APOBEC3D: variants seen among roughly 807,000 people sequenced by gnomAD.
APOBEC3D encodes apolipoprotein B mRNA editing enzyme catalytic subunit 3D.
Under a neutral mutation model 45.6 loss-of-function variants are expected in APOBEC3D, and 37 were observed. The observed-to-expected ratio is 0.81, with a 90% CI of 0.62 to 1.07. The LOEUF is 1.07. APOBEC3D is among the 50% of genes least tolerant of loss of function. The pLI is 0.00. For synonymous variants in APOBEC3D, 175 were observed against 180.7 expected (o/e 0.97, Z 0.25); for missense variants, 496 against 495.3 (o/e 1.00, Z -0.01).
rs1322667638 is a variant in APOBEC3D at position 39,032,435 on chromosome 22, T to C, written c.*119T>C. On this transcript the variant is annotated 3_prime_UTR_variant, in exon 7 of 7. Transcript: ENST00000216099. ...TGGTCATCCTGAGCCCCTCCTGGCC[T>C]CAGGGCCATTCCATAGTGCCCCCCT... The C allele has an allele frequency of 4.0e-6, 6 of 1,517,868 alleles. No homozygotes were observed. The highest frequency in any genetic ancestry group is 5.3e-6 in the Non-Finnish European group (6 of 1,140,236). The allele number at this position is 1,517,868 out of a possible 1,614,324, so 94.0% of individuals were successfully genotyped here.
intron 4 of APOBEC3D, among the ~76,000 whole-genome samples, chr22:39,026,118 C>A (rs1391996580): frequency 2.6e-5 from 4 of 152,208 alleles, no homozygotes; most frequent in Admixed American, 6.5e-5. Flanking sequence ...CAGGCTTCCG[C>A]GGCCATAGAA....
Position 39,032,364 on chromosome 22 carries a change from T to A in APOBEC3D, c.*48T>A, listed in dbSNP as rs1256828867. ...TCTGTCTCTTCTAGCCTCCTGCTCA[T>A]GCTGCACGGGCCTCCCCTCCATCCT... On this transcript the variant is annotated 3_prime_UTR_variant, in exon 7 of 7. Coordinates refer to ENST00000216099, the MANE Select transcript of APOBEC3D (RefSeq NM_152426.4). 6.2e-7 allele frequency: 1 copy of A among 1,605,916 alleles called. No individual in the cohort carries two copies. Among genetic ancestry groups the A allele is most frequent in the East Asian group, 2.2e-5 (1 of 44,854 alleles).
chr22:39,028,674 A>G (rs755537539), intron 4 of APOBEC3D, among the ~76,000 whole-genome samples: 15 of 152,210 alleles, frequency 9.9e-5, no homozygotes, highest in Non-Finnish European at 2.2e-4. Flanking sequence ...GGTGGCTCAC[A>G]CCGGTAATCC....
At position 39,028,006 on chromosome 22, in the gene APOBEC3D, C is replaced by T. The variant is rs144997469; in HGVS notation, c.606-1357C>T. On this transcript the variant is annotated intron_variant, in intron 4 of 6. Coordinates refer to ENST00000216099, the MANE Select transcript of APOBEC3D (RefSeq NM_152426.4). ...CCAAAGGATGATTGGAGCAATCAGGCATTTTATTCTCAGCACTTTGGTGGA... is the reference window on the plus strand; with the variant it reads ...CCAAAGGATGATTGGAGCAATCAGGTATTTTATTCTCAGCACTTTGGTGGA... Among the ~76,000 whole-genome samples, 57 of 152,312 alleles carry T rather than the reference C, an allele frequency of 3.7e-4. No individual in the cohort carries two copies. The East Asian group carries it at 0.01, about 28-fold the overall frequency.
At chr22:39,023,729 G>A (rs1261734991) in intron 2 of APOBEC3D, among the ~76,000 whole-genome samples, 2 of 152,110 alleles carry the variant, frequency 1.3e-5, no homozygotes, top group Non-Finnish European at 1.5e-5. Flanking sequence ...GAATACAGGT[G>A]TGAGCCACTG....
At chr22:39,022,265 C>T (rs1569053934) in intron 1 of APOBEC3D, among the ~76,000 whole-genome samples, 1 of 152,244 alleles carries the variant, frequency 6.6e-6, no homozygotes, top group Non-Finnish European at 1.5e-5. Context: ...CTGTCCCCAG[C>T]TCTGTGGCCT....
At chr22:39,027,882 C>T (rs1925834671) in intron 4 of APOBEC3D, among the ~76,000 whole-genome samples, 2 of 152,224 alleles carry the variant, frequency 1.3e-5, no homozygotes, top group African/African-American at 2.4e-5. Context: ...TGAGATTCTC[C>T]CCTGAGAGTC....
intron 3 of APOBEC3D, 45 bp downstream of exon 3, chr22:39,025,394 C>T (rs772290561): frequency 4.3e-6 from 7 of 1,612,232 alleles, no homozygotes; most frequent in Non-Finnish European, 5.9e-6. Flanking sequence ...GAGGAACAGC[C>T]TCAGAGATGG....
Position 39,029,352 on chromosome 22 carries a change from T to C in APOBEC3D, c.606-11T>C. The C allele has an allele frequency of 6.2e-7, 1 of 1,614,056 alleles. No homozygotes were observed. Among genetic ancestry groups the C allele is most frequent in the Non-Finnish European group, 8.5e-7 (1 of 1,179,938 alleles). On this transcript the variant is annotated splice_polypyrimidine_tract_variant and intron_variant, in intron 4 of 6. Transcript: ENST00000216099. Reference sequence around the variant, plus strand: ...AATCTCTGCACTGGGGTTTCTCTCTTGTGCCCTCAGAAACCCGATGGAGGC... The same window carrying C: ...AATCTCTGCACTGGGGTTTCTCTCTCGTGCCCTCAGAAACCCGATGGAGGC...
chr22:39,027,881 C>T (rs1385943012), intron 4 of APOBEC3D, among the ~76,000 whole-genome samples: 1 of 152,228 alleles, frequency 6.6e-6, no homozygotes, highest in Non-Finnish European at 1.5e-5. Context: ...CTGAGATTCT[C>T]CCCTGAGAGT....
Position 39,032,728 on chromosome 22 carries a change from G to C in APOBEC3D, c.*412G>C. On this transcript the variant is annotated 3_prime_UTR_variant, in exon 7 of 7. Coordinates refer to ENST00000216099, the MANE Select transcript of APOBEC3D (RefSeq NM_152426.4). ...CCTGTCTCAGCTTCTGAGTAGCTGG[G>C]ATTACAGATGCCTGCCACCACGCCC... is the stretch of plus-strand genomic sequence containing the variant. The C allele has an allele frequency of 4.8e-6, 2 of 417,782 alleles. No homozygotes were observed. The highest frequency in any genetic ancestry group is 6.4e-6 in the Non-Finnish European group (2 of 312,142). The allele number at this position is 417,782 out of a possible 1,614,324, so 25.9% of individuals were successfully genotyped here.
At chr22:39,031,459 A>G (rs1214107048) in intron 5 of APOBEC3D, among the ~76,000 whole-genome samples, 3 of 152,178 alleles carry the variant, frequency 2.0e-5, no homozygotes, top group Admixed American at 2.0e-4. Flanking sequence ...AGTCCCAGCT[A>G]ATCAGGAGGC....
chr22:39,029,013 T>C (rs940280015), intron 4 of APOBEC3D, among the ~76,000 whole-genome samples: 3 of 152,128 alleles, frequency 2.0e-5, no homozygotes, highest in Non-Finnish European at 2.9e-5. Context: ...AGGAAGGAAT[T>C]GAGCTGAAAT....
chr22:39,025,021 C>G, intron 2 of APOBEC3D, 49 bp from the exon 3 acceptor site: 1 of 1,391,326 alleles, frequency 7.2e-7, no homozygotes, highest in Non-Finnish European at 9.7e-7. Flanking sequence ...CCCCGCACCC[C>G]TCCTGTTCCC....
intron 4 of APOBEC3D, among the ~76,000 whole-genome samples, chr22:39,026,012 A>T (rs1925625356): frequency 6.6e-6 from 1 of 152,236 alleles, no homozygotes; most frequent in Admixed American, 6.5e-5. Flanking sequence ...AGTGGGCATG[A>T]ATAGTCACAA....
chr22:39,032,588 TC>T lies in APOBEC3D; in HGVS notation c.*273del. 3 of 725,442 alleles carry T rather than the reference TC, an allele frequency of 4.1e-6. No individual in the cohort carries two copies. The highest frequency in any genetic ancestry group is 5.6e-5 in the South Asian group (1 of 17,964). 44.9% of individuals were successfully genotyped at this position (725,442 alleles called of 1,614,324 possible). A position where few individuals can be genotyped will look rare whatever the true frequency, so the allele number is the denominator to read the frequency against. ...TTCCCATCTCCCCAGCATAACCAAATCTTTTTTTTTTTTTTTTTTTTTTGAG... is the reference window on the plus strand; with the variant it reads ...TTCCCATCTCCCCAGCATAACCAAATTTTTTTTTTTTTTTTTTTTTTTGAG... On this transcript the variant is annotated 3_prime_UTR_variant, in exon 7 of 7. Coordinates refer to ENST00000216099, the MANE Select transcript of APOBEC3D (RefSeq NM_152426.4).
At chr22:39,024,149 A>G (rs546734085) in intron 2 of APOBEC3D, among the ~76,000 whole-genome samples, 4 of 152,338 alleles carry the variant, frequency 2.6e-5, no homozygotes, top group Admixed American at 6.5e-5. Flanking sequence ...TATTACTTCA[A>G]CGCTGATTAA....
At position 39,032,243 on chromosome 22, in the gene APOBEC3D, C is replaced by A; in HGVS notation, c.1088C>A (p.Pro363Gln). Residue 363 changes from proline (P) to glutamine (Q), a missense_variant, in exon 7 of 7, where the codon CCA (proline) becomes CAA (glutamine). Coordinates refer to ENST00000216099, the MANE Select transcript of APOBEC3D (RefSeq NM_152426.4). Reference sequence around the variant, plus strand: ...AACTTTGTGTACAGTGATGATGAGCCATTCAAGCCTTGGAAGGGACTACAA... The same window carrying A: ...AACTTTGTGTACAGTGATGATGAGCAATTCAAGCCTTGGAAGGGACTACAA... ...WKNFVYSDDEPFKPWKGLQTN... is the reference protein window; with the variant it reads ...WKNFVYSDDEQFKPWKGLQTN... The A allele has an allele frequency of 6.2e-7, 1 of 1,614,172 alleles. No individual in the cohort carries two copies. The highest frequency in any genetic ancestry group is 8.5e-7 in the Non-Finnish European group (1 of 1,180,018).
intron 5 of APOBEC3D, among the ~76,000 whole-genome samples, chr22:39,030,876 G>A (rs958772989): frequency 4.6e-5 from 7 of 152,072 alleles, no homozygotes; most frequent in African/African-American, 1.7e-4. Flanking sequence ...GGCCAAGCGC[G>A]GTGGCTCACG....
Sources: gnomAD v4.1 joint callset for allele counts (sites outside exome capture counted in the v4.1 genomes callset) on GRCh38, gnomAD v4.1.1 for gene constraint, MANE v1.5 for transcripts, NCBI Gene and HGNC (gene_info 2026-07-23, HGNC 2026-07-21) for gene names.